CUX1: variants seen among roughly 807,000 people sequenced by gnomAD.
CUX1 encodes protein CASP.
A neutral mutation model predicts 158.8 loss-of-function variants in CUX1; 31 were observed. The ratio of observed to expected loss-of-function variants is 0.20; its 90% CI spans 0.15 to 0.26. The LOEUF (loss-of-function observed/expected upper bound fraction) is 0.26. Among genes scored for constraint, CUX1 ranks in the 10% least tolerant of loss-of-function variants. CUX1 has a pLI of 1.00. For synonymous variants in CUX1, 879 were observed against 862.1 expected, an observed-to-expected ratio of 1.02 and a Z score of -0.34; for missense variants, 1,589 against 2,014.6, an observed-to-expected ratio of 0.79 and a Z score of 4.04.
intron 22 of CUX1, among the ~76,000 whole-genome samples, chr7:102,238,379 C>CTTG (rs2132482005): frequency 6.6e-6 from 1 of 152,316 alleles, no homozygotes; most frequent in East Asian, 1.9e-4. Context: ...TAACAGAAGG[C>CTTG]TCGCACTCTT....
chr7:101,985,064 TG>T (rs1437756771), intron 2 of CUX1, among the ~76,000 whole-genome samples: 2 of 152,232 alleles, frequency 1.3e-5, no homozygotes, highest in African/African-American at 4.8e-5. Context: ...TTTATGTCCT[TG>T]GTTTCCAATA....
intron 8 of CUX1, among the ~76,000 whole-genome samples, chr7:102,148,419 A>G (rs1325758235): frequency 6.6e-6 from 1 of 152,024 alleles, no homozygotes; most frequent in African/African-American, 2.4e-5. Flanking sequence ...CACACCTGTA[A>G]TTCCAGCTAC....
intron 4 of CUX1, among the ~76,000 whole-genome samples, chr7:102,081,178 G>A (rs570162249): frequency 4.6e-5 from 7 of 152,224 alleles, no homozygotes; most frequent in African/African-American, 1.4e-4. Context: ...ATGCCAGGAC[G>A]TTATTCTTAG....
At chr7:101,952,127 C>CCT (rs1287410890) in intron 2 of CUX1, among the ~76,000 whole-genome samples, 1 of 152,150 alleles carries the variant, frequency 6.6e-6, no homozygotes. Context: ...GTGGCTCACA[C>CCT]CTATAATCCC....
At chr7:101,957,599 G>A (rs200385194) in intron 2 of CUX1, among the ~76,000 whole-genome samples, 5 of 152,088 alleles carry the variant, frequency 3.3e-5, no homozygotes, top group African/African-American at 7.2e-5. Context: ...GGTGGCAGGC[G>A]CCTGTAGTCC....
intron 2 of CUX1, among the ~76,000 whole-genome samples, chr7:101,970,956 C>T (rs911059281): frequency 1.3e-5 from 2 of 152,170 alleles, no homozygotes; most frequent in African/African-American, 4.8e-5. Flanking sequence ...GGGATCTCTG[C>T]CAGTTTTGCC....
intron 3 of CUX1, among the ~76,000 whole-genome samples, chr7:102,054,821 A>G (rs542875279): frequency 1.6e-4 from 24 of 152,226 alleles, no homozygotes; most frequent in South Asian, 1.0e-3. Context: ...AAAGTTAAAG[A>G]TTAGCCAAGC....
intron 1 of CUX1, among the ~76,000 whole-genome samples, chr7:101,842,200 G>A (rs1478139401): frequency 6.6e-6 from 1 of 151,980 alleles, no homozygotes; most frequent in Non-Finnish European, 1.5e-5. Context: ...CTTCTTTTTG[G>A]TGTCTTGCAC....
At chr7:102,015,850 C>G (rs908251103) in intron 2 of CUX1, among the ~76,000 whole-genome samples, 1 of 152,108 alleles carries the variant, frequency 6.6e-6, no homozygotes, top group Non-Finnish European at 1.5e-5. Context: ...GGGTCTCACC[C>G]TGTCACCAGG....
chr7:101,985,397 T>TA (rs1814165489), intron 2 of CUX1, among the ~76,000 whole-genome samples: 2 of 152,124 alleles, frequency 1.3e-5, no homozygotes, highest in Admixed American at 1.3e-4. Context: ...ATGGTGTCAG[T>TA]ACCTGGGGCC....
chr7:102,249,324 C>G lies in CUX1; in HGVS notation c.*282C>G. ...CAGACCCAGCCCGCGGCCTGGACCC[C>G]TGGACCGCTTTGCGCACTTACCGCC... is the stretch of plus-strand genomic sequence containing the variant. On this transcript the variant is annotated 3_prime_UTR_variant, in exon 24 of 24. Coordinates refer to ENST00000292535, the MANE Select transcript of CUX1 (RefSeq NM_181552.4). 2 of 1,022,610 alleles carry G rather than the reference C, an allele frequency of 2.0e-6. No homozygotes were observed. Among genetic ancestry groups the G allele is most frequent in the Non-Finnish European group, 1.2e-6 (1 of 853,626 alleles). 63.3% of individuals were successfully genotyped at this position (1,022,610 alleles called of 1,614,324 possible).
chr7:102,167,086 G>A (rs1003485533), intron 9 of CUX1, among the ~76,000 whole-genome samples: 8 of 152,090 alleles, frequency 5.3e-5, no homozygotes, highest in Middle Eastern at 6.8e-3. Context: ...TGGCCAACAT[G>A]GTGAAACCCT....
intron 3 of CUX1, among the ~76,000 whole-genome samples, chr7:102,064,415 A>G (rs1360614681): frequency 6.6e-6 from 1 of 152,174 alleles, no homozygotes; most frequent in Non-Finnish European, 1.5e-5. Flanking sequence ...GGTAGCTGGA[A>G]TTCTAGCCTA....
intron 7 of CUX1, chr7:102,112,103 A>C: frequency 5.5e-6 from 1 of 181,582 alleles, no homozygotes; most frequent in Non-Finnish European, 1.1e-5. Context: ...TGGAACAATA[A>C]TAGAAAAAAA....
In CUX1 at chr7:101,957,859, A is replaced by T. The variant is rs992838231; in HGVS notation, c.141+41634A>T. On this transcript the variant is annotated intron_variant, in intron 2 of 23. Coordinates refer to ENST00000292535, the MANE Select transcript of CUX1 (RefSeq NM_181552.4). ...GTACTTATTAATTTATTCACCAGAC[A>T]TCTTTAAACGGAAACAGTGGTTAAG... is the stretch of plus-strand genomic sequence containing the variant. 2.6e-5 allele frequency among the ~76,000 whole-genome samples: 4 copies of T among 152,228 alleles called. 1 individual carries two copies. The highest frequency in any genetic ancestry group is 9.6e-5 in the African/African-American group (4 of 41,458).
rs564996193 is a variant in CUX1 at position 102,256,632 on chromosome 7, G to A, written c.*7590G>A. On this transcript the variant is annotated 3_prime_UTR_variant, in exon 24 of 24. Transcript: ENST00000292535. ...TTTATGAACAAAAAAATTTACCAAC[G>A]TGTGAGGGAGTTGCTGAGTTGAAGA... The A allele has an allele frequency of 6.8e-5, 67 of 985,390 alleles. No individual in the cohort carries two copies. Among genetic ancestry groups the A allele is most frequent in the Admixed American group, 6.8e-4 (11 of 16,282 alleles). 61.0% of individuals were successfully genotyped at this position (985,390 alleles called of 1,614,324 possible). A position where few individuals can be genotyped will look rare whatever the true frequency, so the allele number is the denominator to read the frequency against.
At chr7:101,901,966 T>C (rs145144401) in intron 1 of CUX1, among the ~76,000 whole-genome samples, 18 of 152,318 alleles carry the variant, frequency 1.2e-4, no homozygotes, top group African/African-American at 3.6e-4. Context: ...CTGAAACAAA[T>C]ACTTTAGGAG....
At position 102,111,878 on chromosome 7, in the gene CUX1, C is replaced by A. The variant is rs997669016; in HGVS notation, c.607+104C>A. 2.3e-5 allele frequency: 23 copies of A among 1,018,714 alleles called. No individual in the cohort carries two copies. The African/African-American group carries it at 3.7e-4, about 16-fold the overall frequency. The allele number at this position is 1,018,714 out of a possible 1,614,324, so 63.1% of individuals were successfully genotyped here. A position where few individuals can be genotyped will look rare whatever the true frequency, so the allele number is the denominator to read the frequency against. On this transcript the variant is annotated intron_variant, in intron 7 of 23. Coordinates refer to ENST00000292535, the MANE Select transcript of CUX1 (RefSeq NM_181552.4). ...GTCCCCGCGGATACCTGTTGCTCTT[C>A]GGGGCCGTGGGAGCTGCCGGGAGCC...
intron 2 of CUX1, among the ~76,000 whole-genome samples, chr7:101,921,796 T>C (rs1804976666): frequency 6.6e-6 from 1 of 152,100 alleles, no homozygotes; most frequent in African/African-American, 2.4e-5. Flanking sequence ...ACAACAAATA[T>C]AGGTAGTTTC....
Sources: allele counts gnomAD v4.1 joint callset (sites outside exome capture counted in the v4.1 genomes callset), GRCh38; gene constraint gnomAD v4.1.1; transcripts MANE v1.5; gene names NCBI Gene and HGNC (gene_info 2026-07-23, HGNC 2026-07-21).